CACNA1D: variants seen among roughly 807,000 people sequenced by gnomAD.
CACNA1D encodes the protein voltage-dependent L-type calcium channel subunit alpha-1D.
Under a neutral mutation model 257.1 loss-of-function variants are expected in CACNA1D, and 55 were observed. That is an observed-to-expected ratio of 0.21 (90% CI 0.17 to 0.27). The LOEUF (loss-of-function observed/expected upper bound fraction) is 0.27, where lower values mean the gene tolerates loss of function less well. Among genes scored for constraint, CACNA1D ranks in the 10% least tolerant of loss-of-function variants. The probability of loss-of-function intolerance (pLI) is 1.00; values close to 1 mark genes in which losing one functional copy is unlikely to be tolerated. For missense variants in CACNA1D, 1,876 were observed against 2,784.0 expected (o/e 0.67, Z 7.34); for synonymous variants, 980 against 1,014.9 (o/e 0.97, Z 0.65).
intron 3 of CACNA1D, among the ~76,000 whole-genome samples, chr3:53,536,783 A>G (rs937703162): frequency 2.0e-5 from 3 of 152,252 alleles, no homozygotes; most frequent in South Asian, 2.1e-4. Context: ...CGTATTATCT[A>G]TGGGTATTTT....
At chr3:53,621,368 G>A (rs1311779627) in intron 3 of CACNA1D, among the ~76,000 whole-genome samples, 1 of 152,140 alleles carries the variant, frequency 6.6e-6, no homozygotes, top group Non-Finnish European at 1.5e-5. Flanking sequence ...TGTGTGTCCA[G>A]AGCCAGCCCT....
intron 3 of CACNA1D, among the ~76,000 whole-genome samples, chr3:53,603,979 A>G (rs2093477006): frequency 6.6e-6 from 1 of 152,244 alleles, no homozygotes; most frequent in African/African-American, 2.4e-5. Context: ...AAGATTTAGT[A>G]GAGGGCCTGA....
intron 3 of CACNA1D, among the ~76,000 whole-genome samples, chr3:53,572,558 C>A (rs975704604): frequency 6.6e-6 from 1 of 152,016 alleles, no homozygotes; most frequent in Non-Finnish European, 1.5e-5. Flanking sequence ...TGCCACCATG[C>A]CCAGCTAATT....
intron 3 of CACNA1D, among the ~76,000 whole-genome samples, chr3:53,554,057 G>A (rs751141137): frequency 6.6e-5 from 10 of 151,856 alleles, no homozygotes; most frequent in African/African-American, 1.2e-4. Flanking sequence ...TTAGCTGGGC[G>A]TGGTGGTGGG....
chr3:53,799,828 C>T (rs2095527077), intron 40 of CACNA1D: 1 of 279,762 alleles, frequency 3.6e-6, no homozygotes, highest in Non-Finnish European at 7.0e-6. Flanking sequence ...CAAGGGAGTC[C>T]ACATCAGCCT....
At chr3:53,708,120 T>C (rs1190379329) in intron 9 of CACNA1D, among the ~76,000 whole-genome samples, 1 of 152,244 alleles carries the variant, frequency 6.6e-6, no homozygotes, top group Non-Finnish European at 1.5e-5. Flanking sequence ...TAGTTGCCTC[T>C]TACTGCAATG....
At chr3:53,611,071 G>A (rs968934776) in intron 3 of CACNA1D, among the ~76,000 whole-genome samples, 2 of 152,166 alleles carry the variant, frequency 1.3e-5, no homozygotes, top group African/African-American at 4.8e-5. Flanking sequence ...ATCGTCTTCT[G>A]GCTTGCAAAG....
intron 27 of CACNA1D, among the ~76,000 whole-genome samples, chr3:53,750,426 C>T (rs138394654): frequency 9.5e-4 from 144 of 152,286 alleles, no homozygotes; most frequent in African/African-American, 3.1e-3. Flanking sequence ...ATGACGACGT[C>T]GCAAGCAAGA....
chr3:53,802,150 C>T lies in CACNA1D; in HGVS notation c.5412C>T (p.Thr1804=). The change falls in exon 43 of 48, where the codon ACC becomes ACT. Residue 1804 remains threonine (T), a synonymous_variant. Coordinates refer to ENST00000350061, the MANE Select transcript of CACNA1D (RefSeq NM_001128840.3). ...EPQRRSSVKR[T]RYYETYIRSD... The stretch of plus-strand genomic sequence containing the variant: ...ATGTTATGCCTTTCCTGGATAGAAC[C>T]CGCTATTATGAAACTTACATTAGGT... 6.2e-7 allele frequency: 1 copy of T among 1,608,110 alleles called. No homozygotes were observed. The highest frequency in any genetic ancestry group is 8.5e-7 in the Non-Finnish European group (1 of 1,174,540).
At chr3:53,664,129 C>T (rs1166380619) in intron 5 of CACNA1D, among the ~76,000 whole-genome samples, 1 of 152,182 alleles carries the variant, frequency 6.6e-6, no homozygotes, top group African/African-American at 2.4e-5. Flanking sequence ...GACACGTCTA[C>T]CTTAATGTTA....
intron 3 of CACNA1D, among the ~76,000 whole-genome samples, chr3:53,537,359 T>G (rs1448037970): frequency 6.6e-6 from 1 of 152,200 alleles, no homozygotes; most frequent in Non-Finnish European, 1.5e-5. Context: ...ACTCTTCGTC[T>G]TATAGCCAAT....
intron 15 of CACNA1D, among the ~76,000 whole-genome samples, chr3:53,728,459 G>A (rs2094957541): frequency 6.6e-6 from 1 of 152,120 alleles, no homozygotes; most frequent in Non-Finnish European, 1.5e-5. Context: ...AATTTTGAGT[G>A]GGCATTCCTC....
chr3:53,719,183 C>T (rs1337449143), intron 10 of CACNA1D, among the ~76,000 whole-genome samples: 1 of 152,210 alleles, frequency 6.6e-6, no homozygotes, highest in East Asian at 1.9e-4. Flanking sequence ...CAATCTTACT[C>T]TTGGCAGAGT....
intron 45 of CACNA1D, among the ~76,000 whole-genome samples, chr3:53,807,068 C>T (rs1229205708): frequency 6.6e-6 from 1 of 151,632 alleles, no homozygotes; most frequent in Non-Finnish European, 1.5e-5. Context: ...ACAGGAAGAA[C>T]ATTTCCCTCC....
intron 39 of CACNA1D, among the ~76,000 whole-genome samples, chr3:53,783,367 C>G (rs950346589): frequency 6.6e-6 from 1 of 152,246 alleles, no homozygotes; most frequent in African/African-American, 2.4e-5. Flanking sequence ...AGCTGATCAA[C>G]TTTTAGCTTT....
At chr3:53,593,758 T>C (rs991852980) in intron 3 of CACNA1D, among the ~76,000 whole-genome samples, 6 of 152,174 alleles carry the variant, frequency 3.9e-5, no homozygotes, top group Non-Finnish European at 8.8e-5. Context: ...TCTAAGCTGG[T>C]TTTCCCTTTC....
rs756330247 is a variant in CACNA1D, at chr3:53,805,008, T to C, written c.5611T>C (p.Tyr1871His). The C allele has an allele frequency of 1.9e-6, 3 of 1,614,124 alleles. No individual in the cohort carries two copies. Among genetic ancestry groups the C allele is most frequent in the South Asian group, 1.1e-5 (1 of 91,074 alleles). Residue 1871 changes from tyrosine to histidine, a missense_variant, in exon 45 of 48, where the codon TAC (tyrosine) becomes CAC (histidine). Physicochemically the swap from Tyr to His is moderately conservative, Grantham distance 83 (BLOSUM62 2). This residue lies in a region of CACNA1D where 491 missense variants were observed against 554.3 expected (regional missense o/e 0.89). Transcript: ENST00000350061. ...SRQNYGYYSR[Y>H]PGRNIDSERP... ...GCAAAACTATGGCTACTACAGCAGA[T>C]ACCCAGGCAGAAACATCGACTCTGA...
In CACNA1D at chr3:53,774,718, G is replaced by A. The variant is rs1209927698; in HGVS notation, c.4202+40G>A. 5.9e-6 allele frequency: 7 copies of A among 1,193,422 alleles called. No homozygotes were observed. The highest frequency in any genetic ancestry group is 3.4e-5 in the Admixed American group (2 of 59,504). 73.9% of individuals were successfully genotyped at this position (1,193,422 alleles called of 1,614,324 possible). A position where few individuals can be genotyped will look rare whatever the true frequency, so the allele number is the denominator to read the frequency against. ...CTTGGGCGGTGCTCCTGGGCAGGGG[G>A]GTCCGCTAGGCGTGGGTCCAGAGGG... On this transcript the variant is annotated intron_variant, in intron 34 of 47. Transcript: ENST00000350061. This position sits in a 1 kb window ranked among gnomAD's most constrained non-coding sequence, Gnocchi z 4.3.
At chr3:53,750,830 G>C (rs1297925184) in intron 27 of CACNA1D, among the ~76,000 whole-genome samples, 1 of 152,184 alleles carries the variant, frequency 6.6e-6, no homozygotes, top group Non-Finnish European at 1.5e-5. Flanking sequence ...GGAGAGCGGG[G>C]GTAGGTCTAG....
Sources: allele counts gnomAD v4.1 joint callset (sites outside exome capture counted in the v4.1 genomes callset), GRCh38; gene constraint gnomAD v4.1.1; regional missense constraint gnomAD v4.1.1; non-coding constraint Gnocchi (gnomAD v3.1); transcripts MANE v1.5; gene names NCBI Gene and HGNC (gene_info 2026-07-23, HGNC 2026-07-21).